The following GMIP variants were observed in gnomAD, a reference collection of about 807,000 sequenced individuals.
GMIP encodes GEM interacting protein.
Under a neutral mutation model 105.3 loss-of-function variants are expected in GMIP, and 54 were observed. The observed-to-expected ratio is 0.51, with a 90% CI of 0.41 to 0.64. GMIP has a LOEUF of 0.64. Ranked by LOEUF, GMIP falls within the 30% of genes least tolerant of loss-of-function variation. The pLI is 0.00. For synonymous variants in GMIP, 541 were observed against 560.8 expected, an observed-to-expected ratio of 0.96 and a Z score of 0.50; for missense variants, 1,110 against 1,319.4, an observed-to-expected ratio of 0.84 and a Z score of 2.46.
At position 19,634,965 on chromosome 19, in the gene GMIP, G is replaced by A. The variant is rs193153282; in HGVS notation, c.1750-36C>T. 15 of 1,613,574 alleles carry A rather than the reference G, an allele frequency of 9.3e-6. No individual in the cohort carries two copies. Among genetic ancestry groups the A allele is most frequent in the African/African-American group, 4.0e-5 (3 of 75,048 alleles). On this transcript the variant is annotated intron_variant, in intron 16 of 20. Coordinates refer to ENST00000203556, the MANE Select transcript of GMIP (RefSeq NM_016573.4). This position sits in a 1 kb window ranked among gnomAD's most constrained non-coding sequence, Gnocchi z 6.1. ...AGGGTGAAAAACAGACACCTGGTTC[G>A]TGATAGGCCATCGATTCGGTCAGGT... is the stretch of plus-strand genomic sequence containing the variant.
rs1599399372 is a variant in GMIP at position 19,630,597 on chromosome 19, C to T, written c.2473-60G>A. 8 of 1,443,216 alleles carry T rather than the reference C, an allele frequency of 5.5e-6. 1 individual carries two copies. In the East Asian group the frequency reaches 1.8e-4, roughly 33 times the overall value. 89.4% of individuals were successfully genotyped at this position (1,443,216 alleles called of 1,614,324 possible). A position where few individuals can be genotyped will look rare whatever the true frequency, so the allele number is the denominator to read the frequency against. ...CTAAAATCCCAGTTCTTTGAGATTC[C>T]TGGAGAGCCAAGGGCTTGTTCCTGG... is the stretch of plus-strand genomic sequence containing the variant. On this transcript the variant is annotated intron_variant, in intron 19 of 20. Coordinates refer to ENST00000203556, the MANE Select transcript of GMIP (RefSeq NM_016573.4). The surrounding 1 kb of genome is among the most constrained non-coding windows in gnomAD (Gnocchi z 4.8).
chr19:19,631,038 T>C (rs1449528670), intron 19 of GMIP, among the ~76,000 whole-genome samples: 1 of 152,052 alleles, frequency 6.6e-6, no homozygotes, highest in Non-Finnish European at 1.5e-5. Context: ...CCGTCTCTAC[T>C]AGAAATACAA....
chr19:19,643,426 G>A (rs570153476), intron 1 of GMIP, 85 bp downstream of exon 1: 289 of 1,270,458 alleles, frequency 2.3e-4, no homozygotes, highest in Non-Finnish European at 1.4e-4. Context: ...CTGGCTCTCA[G>A]GACGGAGCGG....
In GMIP at chr19:19,636,815, T is replaced by A. The variant is rs768654054; in HGVS notation, c.1238-19A>T. On this transcript the variant is annotated intron_variant, in intron 12 of 20. Coordinates refer to ENST00000203556, the MANE Select transcript of GMIP (RefSeq NM_016573.4). ...GGAGTCCCTAGGTGGCACAGGTCAA[T>A]AAGGATGGTCCCCTGCTCACAAACC... 4 of 1,601,012 alleles carry A rather than the reference T, an allele frequency of 2.5e-6. No individual in the cohort carries two copies. The highest frequency in any genetic ancestry group is 2.7e-5 in the African/African-American group (2 of 74,640).
chr19:19,630,054 G>T lies in GMIP; in HGVS notation c.2822C>A (p.Ala941Asp). ...PKHFEITQET[A>D]RLLSKLDSEA... ...GCTGTCCAATTTCGAGAGTAGCCGG[G>T]CTGTCTCCTGGGTAATCTCAAAATG... The change falls in exon 21 of 21, where the codon GCC (alanine) becomes GAC (aspartate). Residue 941 changes from alanine to aspartate, a missense_variant. By Grantham distance (126) the Ala-to-Asp change is moderately radical. Transcript: ENST00000203556. This position sits in a 1 kb window ranked among gnomAD's most constrained non-coding sequence, Gnocchi z 4.8. 6.2e-7 allele frequency: 1 copy of T among 1,609,560 alleles called. No individual in the cohort carries two copies. Among genetic ancestry groups the T allele is most frequent in the South Asian group, 1.1e-5 (1 of 90,234 alleles).
At position 19,630,258 on chromosome 19, in the gene GMIP, G is replaced by GTC. The variant is rs1568409529; in HGVS notation, c.2617_2618insGA (p.Pro873ArgfsTer6). 1 of 1,563,966 alleles carries GTC rather than the reference G, an allele frequency of 6.4e-7. No individual in the cohort carries two copies. The highest frequency in any genetic ancestry group is 2.3e-5 in the East Asian group (1 of 44,290). Reference sequence around the variant, plus strand: ...GGTTACAGGCCTCACACCGCCCCGGGGATACTTCACTGGCTGGCGGCTGAA... The same window carrying GTC: ...GGTTACAGGCCTCACACCGCCCCGGGTCGATACTTCACTGGCTGGCGGCTGAA... On this transcript the variant is annotated frameshift_variant, in exon 21 of 21. Coordinates refer to ENST00000203556, the MANE Select transcript of GMIP (RefSeq NM_016573.4). LOFTEE classifies it high-confidence loss of function. This position sits in a 1 kb window ranked among gnomAD's most constrained non-coding sequence, Gnocchi z 4.8.
chr19:19,633,871 A>G lies in GMIP; in HGVS notation c.2404T>C (p.Ser802Pro). 6.9e-7 allele frequency: 1 copy of G among 1,458,652 alleles called. No homozygotes were observed. The allele number at this position is 1,458,652 out of a possible 1,614,324, so 90.4% of individuals were successfully genotyped here. A position where few individuals can be genotyped will look rare whatever the true frequency, so the allele number is the denominator to read the frequency against. Reference protein sequence around the residue: ...DPDSQPPVLASDPGPDPQHHS... With the variant: ...DPDSQPPVLAPDPGPDPQHHS... ...TGCTGGGGGTCTGGGCCGGGGTCTGAGGCTAGGACTGGGGGCTGGGAGTCT... is the reference window on the plus strand; with the variant it reads ...TGCTGGGGGTCTGGGCCGGGGTCTGGGGCTAGGACTGGGGGCTGGGAGTCT... The change falls in exon 19 of 21, where the codon TCA (serine) becomes CCA (proline). Residue 802 changes from serine to proline, a missense_variant. Around this residue, in one of 3 missense-constraint regions of GMIP, gnomAD observed 394 missense variants for 450.5 expected, o/e 0.87. Transcript: ENST00000203556.
In GMIP at chr19:19,637,075, TG is replaced by T. The variant is rs1053260335; in HGVS notation, c.1125-47del. On this transcript the variant is annotated intron_variant, in intron 11 of 20. Transcript: ENST00000203556. The surrounding 1 kb of genome is among the most constrained non-coding windows in gnomAD (Gnocchi z 6.7). ...AGGTTTGAATCCCAGGAAACTGGCC[TG>T]GGGTGATGGCACCCAGGCATCATGT... is the stretch of plus-strand genomic sequence containing the variant. 5 of 1,281,950 alleles carry T rather than the reference TG, an allele frequency of 3.9e-6. No homozygotes were observed. The highest frequency in any genetic ancestry group is 3.0e-5 in the African/African-American group (2 of 67,694). The allele number at this position is 1,281,950 out of a possible 1,614,324, so 79.4% of individuals were successfully genotyped here. A position where few individuals can be genotyped will look rare whatever the true frequency, so the allele number is the denominator to read the frequency against.
intron 19 of GMIP, among the ~76,000 whole-genome samples, chr19:19,633,026 G>A (rs566071396): frequency 6.7e-6 from 1 of 149,906 alleles, no homozygotes; most frequent in Non-Finnish European, 1.5e-5. Flanking sequence ...ACCTCCCACC[G>A]TGCTGCTCCC....
At position 19,634,166 on chromosome 19, in the gene GMIP, GTTTT is replaced by G. The variant is rs1333242957; in HGVS notation, c.2105_2108del (p.Glu702AlafsTer98). The G allele has an allele frequency of 6.2e-7, 1 of 1,603,884 alleles. No homozygotes were observed. The highest frequency in any genetic ancestry group is 2.2e-5 in the East Asian group (1 of 44,606). On this transcript the variant is annotated frameshift_variant, in exon 19 of 21. Coordinates refer to ENST00000203556, the MANE Select transcript of GMIP (RefSeq NM_016573.4). LOFTEE classifies it high-confidence loss of function. The surrounding 1 kb of genome is among the most constrained non-coding windows in gnomAD (Gnocchi z 6.1). Reference sequence around the variant, plus strand: ...TGCCCAGGTTGTTGGCAGACATCTTGTTTTCCATAAATCGTGCAGCCACCCTGGG... The same window carrying G: ...TGCCCAGGTTGTTGGCAGACATCTTGCCATAAATCGTGCAGCCACCCTGGG...
At chr19:19,638,137 G>A (rs1413108008) in intron 9 of GMIP, 22 bp downstream of exon 9, 3 of 1,573,194 alleles carry the variant, frequency 1.9e-6, no homozygotes, top group South Asian at 2.3e-5. Context: ...AGCGCTACAG[G>A]GGCTCGGGGC....
In GMIP at chr19:19,638,008, G is replaced by A. The variant is rs769992536; in HGVS notation, c.839C>T (p.Ala280Val). The A allele has an allele frequency of 2.6e-5, 42 of 1,609,182 alleles. No individual in the cohort carries two copies. The East Asian group carries it at 7.4e-4, about 28-fold the overall frequency. ...LYQACVREAN[A>V]RQQDLEIAKQ... is the part of the protein sequence containing the mutation. The stretch of plus-strand genomic sequence containing the variant: ...GGCGATCTCCAGGTCCTGCTGCCGC[G>A]CGTTGGCCTCGCGGACACAGGCCTG... The change falls in exon 10 of 21, where the codon GCG becomes GTG. Residue 280 changes from alanine (A) to valine (V), a missense_variant. By Grantham distance (64) the Ala-to-Val change is moderately conservative (BLOSUM62 0). Coordinates refer to ENST00000203556, the MANE Select transcript of GMIP (RefSeq NM_016573.4).
intron 4 of GMIP, among the ~76,000 whole-genome samples, chr19:19,641,342 A>G (rs570795441): frequency 1.3e-5 from 2 of 151,990 alleles, no homozygotes; most frequent in Non-Finnish European, 2.9e-5. Context: ...TCAGCCTCCA[A>G]AGTGCTGGGA....
chr19:19,639,995 T>G (rs2061900568), intron 7 of GMIP, 90 bp downstream of exon 7: 6 of 725,234 alleles, frequency 8.3e-6, no homozygotes, highest in Middle Eastern at 2.9e-4. Context: ...GGTGCCTTCC[T>G]CCCAGCTTGC....
chr19:19,642,672 G>T, intron 1 of GMIP, 53 bp from the exon 2 acceptor site: 2 of 860,604 alleles, frequency 2.3e-6, no homozygotes, highest in Non-Finnish European at 1.9e-6. Context: ...CTCCACCCAC[G>T]GCACCTCAAC....
rs1439288341 is a variant in GMIP at position 19,635,411 on chromosome 19, A to T, written c.1560+4T>A. 1 of 1,608,382 alleles carries T rather than the reference A, an allele frequency of 6.2e-7. No individual in the cohort carries two copies. The highest frequency in any genetic ancestry group is 8.5e-7 in the Non-Finnish European group (1 of 1,179,084). On this transcript the variant is annotated splice_donor_region_variant and intron_variant, in intron 15 of 20. Transcript: ENST00000203556. This position sits in a 1 kb window ranked among gnomAD's most constrained non-coding sequence, Gnocchi z 4.7. ...GGTCATTTGGTCATTAACCCAGGCC[A>T]CACCTCCTCACACTCCGTCCCGCTG...
chr19:19,633,813 G>A lies in GMIP; in HGVS notation c.2462C>T (p.Thr821Ile). The A allele has an allele frequency of 1.4e-6, 2 of 1,467,046 alleles. No homozygotes were observed. Among genetic ancestry groups the A allele is most frequent in the Non-Finnish European group, 1.8e-6 (2 of 1,107,848 alleles). The allele number at this position is 1,467,046 out of a possible 1,614,324, so 90.9% of individuals were successfully genotyped here. The change falls in exon 19 of 21, where the codon ACA becomes ATA. Residue 821 changes from threonine to isoleucine, a missense_variant. Physicochemically the swap from Thr to Ile is moderately conservative, Grantham distance 89. Coordinates refer to ENST00000203556, the MANE Select transcript of GMIP (RefSeq NM_016573.4). ...CCAGTGGGTTCTTACCTCGGTAGGT[G>A]TGGCCGTGGGATGCTGCTCCAGGGT... ...HSTLEQHPTA[T>I]PTEIPTPQSD...
intron 7 of GMIP, among the ~76,000 whole-genome samples, chr19:19,639,674 C>A (rs2061897284): frequency 6.6e-6 from 1 of 151,868 alleles, no homozygotes; most frequent in South Asian, 2.1e-4. Flanking sequence ...CATGGTGAAA[C>A]CCCATCTGTA....
Position 19,638,166 on chromosome 19 carries a change from T to A in GMIP, c.782A>T (p.Gln261Leu), listed in dbSNP as rs781715053. Reference sequence around the variant, plus strand: ...TCGGGGCCGGGTGCCCACCTTGGCCTGGGCCTCCTCTCGCGAGCGCCGCCG... The same window carrying A: ...TCGGGGCCGGGTGCCCACCTTGGCCAGGGCCTCCTCTCGCGAGCGCCGCCG... ...ERRRRSREEA[Q>L]AKAQEAEALY... Residue 261 changes from glutamine (Q) to leucine (L), a missense_variant, in exon 9 of 21, where the codon CAG becomes CTG. Transcript: ENST00000203556. 11 of 1,582,926 alleles carry A rather than the reference T, an allele frequency of 6.9e-6. No individual in the cohort carries two copies. In the Admixed American group the frequency reaches 1.6e-4, roughly 22 times the overall value.
Sources: gnomAD v4.1 joint callset for allele counts (sites outside exome capture counted in the v4.1 genomes callset) on GRCh38, gnomAD v4.1.1 for gene constraint, gnomAD v4.1.1 regional missense constraint, Gnocchi (gnomAD v3.1) non-coding constraint, MANE v1.5 for transcripts, NCBI Gene and HGNC (gene_info 2026-07-23, HGNC 2026-07-21) for gene names.